Variants in CTTN observed in about 807,000 individuals in gnomAD.
CTTN encodes the protein src substrate cortactin.
In CTTN, 28 loss-of-function variants were observed where a neutral mutation model predicts 84.0. That is an observed-to-expected ratio of 0.33 (90% confidence interval 0.25 to 0.46). The LOEUF (loss-of-function observed/expected upper bound fraction) is 0.46. Ranked by LOEUF, CTTN falls within the 20% of genes least tolerant of loss-of-function variation. CTTN has a pLI of 1.00. For synonymous variants in CTTN, 301 were observed against 288.8 expected, an observed-to-expected ratio of 1.04 and a Z score of -0.43; for missense variants, 641 against 723.8, an observed-to-expected ratio of 0.89 and a Z score of 1.31.
In CTTN at chr11:70,409,889, C is replaced by T; in HGVS notation, c.220C>T (p.Leu74Phe). Residue 74 changes from leucine (L) to phenylalanine (F), a missense_variant, in exon 5 of 18, where the codon CTT becomes TTT. Leu to Phe is a conservative substitution (Grantham distance 22, BLOSUM62 0). Coordinates refer to ENST00000301843, the MANE Select transcript of CTTN (RefSeq NM_005231.4). ...GCATCAGACCCTTAAGGAGAAGGAA[C>T]TTGAAACAGGACCAAAAGCTTCCCA... Reference protein sequence around the residue: ...QEHQTLKEKELETGPKASHGY... With the variant: ...QEHQTLKEKEFETGPKASHGY... 1 of 1,614,036 alleles carries T rather than the reference C, an allele frequency of 6.2e-7. No homozygotes were observed. Among genetic ancestry groups the T allele is most frequent in the Non-Finnish European group, 8.5e-7 (1 of 1,179,938 alleles).
chr11:70,416,963 G>A, intron 7 of CTTN, 50 bp from the exon 8 acceptor site: 4 of 1,274,842 alleles, frequency 3.1e-6, no homozygotes, highest in Non-Finnish European at 4.6e-6. Flanking sequence ...AAAAGGAACA[G>A]TGTAGTTCGT....
intron 8 of CTTN, among the ~76,000 whole-genome samples, chr11:70,418,827 A>G (rs1418220686): frequency 1.4e-5 from 2 of 141,598 alleles, no homozygotes; most frequent in African/African-American, 5.4e-5. Context: ...GCCAGGCTGG[A>G]GTGCAGTGGT....
rs1185354279 is a variant in CTTN at position 70,433,218 on chromosome 11, C to T, written c.1384C>T (p.Leu462=). ...CCGAGAGGCCAGCAGCCAGCAGGGC[C>T]TGGCCTATGCCACAGAGGCTGTCTA... ...DYREASSQQG[L]AYATEAVYES... Residue 462 remains leucine, a synonymous_variant, in exon 16 of 18, where the codon CTG becomes TTG. Transcript: ENST00000301843. 1 of 1,613,454 alleles carries T rather than the reference C, an allele frequency of 6.2e-7. No homozygotes were observed. Among genetic ancestry groups the T allele is most frequent in the Non-Finnish European group, 8.5e-7 (1 of 1,179,996 alleles).
In CTTN at chr11:70,402,166, G is replaced by A. The variant is rs574343451; in HGVS notation, c.-97-3099G>A. 3.3e-5 allele frequency among the ~76,000 whole-genome samples: 5 copies of A among 152,230 alleles called. No individual in the cohort carries two copies. The South Asian group carries it at 1.0e-3, about 32-fold the overall frequency. On this transcript the variant is annotated intron_variant, in intron 1 of 17. Transcript: ENST00000301843. The stretch of plus-strand genomic sequence containing the variant: ...AGACTGTCTGAAAAAGAAAAAAAAA[G>A]TTATTGTGTAGAGGAATTTTTCACT...
At chr11:70,403,996 T>G (rs945122775) in intron 1 of CTTN, among the ~76,000 whole-genome samples, 7 of 152,266 alleles carry the variant, frequency 4.6e-5, no homozygotes, top group South Asian at 4.2e-4. Flanking sequence ...TTCCCCCACC[T>G]CAGCCTCCTG....
At chr11:70,415,210 T>C (rs1045609414) in intron 6 of CTTN, among the ~76,000 whole-genome samples, 1 of 152,224 alleles carries the variant, frequency 6.6e-6, no homozygotes, top group Admixed American at 6.5e-5. Context: ...TGAATTTATG[T>C]GTCTGTGAAA....
At chr11:70,409,232 T>C (rs531886976) in intron 4 of CTTN, among the ~76,000 whole-genome samples, 59 of 152,356 alleles carry the variant, frequency 3.9e-4, no homozygotes, top group African/African-American at 1.4e-3. Flanking sequence ...CTTATCACTC[T>C]GGGGTCTCTC....
intron 14 of CTTN, 80 bp downstream of exon 14, chr11:70,429,279 G>A (rs2058330450): frequency 6.7e-7 from 1 of 1,496,388 alleles, no homozygotes; most frequent in Admixed American, 2.0e-5. Flanking sequence ...GGCCTGGGCG[G>A]GGCTTATTCT....
intron 2 of CTTN, among the ~76,000 whole-genome samples, chr11:70,406,588 G>T (rs1365105442): frequency 6.6e-6 from 1 of 151,754 alleles, no homozygotes; most frequent in Non-Finnish European, 1.5e-5. Flanking sequence ...TCTTGTTAGG[G>T]TTTACAGATG....
chr11:70,413,958 C>T (rs1008724498), intron 5 of CTTN, among the ~76,000 whole-genome samples: 4 of 152,112 alleles, frequency 2.6e-5, no homozygotes, highest in South Asian at 4.1e-4. Flanking sequence ...TCTTCATGCC[C>T]GGTCGTGTCA....
At chr11:70,415,589 A>G (rs2058148876) in intron 6 of CTTN, 74 bp from the exon 7 acceptor site, 1 of 1,304,016 alleles carries the variant, frequency 7.7e-7, no homozygotes, top group Non-Finnish European at 1.1e-6. Flanking sequence ...TCATGTCATG[A>G]ATTCAGAGAG....
chr11:70,409,974 G>A lies in CTTN; in HGVS notation c.291+14G>A, dbSNP rs200395025. 1.4e-5 allele frequency: 23 copies of A among 1,613,680 alleles called. No homozygotes were observed. In the African/African-American group the frequency reaches 2.4e-4, roughly 17 times the overall value. ...CGAATGGATAAGGTAAGTGGCCCGCGGCTGCCTATGCCAGGCTCCTGGTGT... is the reference window on the plus strand; with the variant it reads ...CGAATGGATAAGGTAAGTGGCCCGCAGCTGCCTATGCCAGGCTCCTGGTGT... On this transcript the variant is annotated intron_variant, in intron 5 of 17. Transcript: ENST00000301843.
intron 15 of CTTN, among the ~76,000 whole-genome samples, chr11:70,431,813 G>A (rs1189974380): frequency 1.3e-5 from 2 of 151,852 alleles, no homozygotes; most frequent in Non-Finnish European, 2.9e-5. Flanking sequence ...CCAGTGTTCC[G>A]TCCCCATCCC....
At chr11:70,417,996 G>A (rs1591440612) in intron 8 of CTTN, among the ~76,000 whole-genome samples, 1 of 152,144 alleles carries the variant, frequency 6.6e-6, no homozygotes, top group Admixed American at 6.5e-5. Context: ...CACTCAGAGC[G>A]TTTCCCAGGG....
Position 70,435,221 on chromosome 11 carries a change from C to A in CTTN, c.*59C>A. On this transcript the variant is annotated 3_prime_UTR_variant, in exon 18 of 18. Transcript: ENST00000301843. ...ATCCTCACACTACAGATCAGGCCTTCTTTGGTTCTTGGGTGGTTTTGGGTT... is the reference window on the plus strand; with the variant it reads ...ATCCTCACACTACAGATCAGGCCTTATTTGGTTCTTGGGTGGTTTTGGGTT... 1.5e-6 allele frequency: 2 copies of A among 1,355,308 alleles called. No homozygotes were observed. Among genetic ancestry groups the A allele is most frequent in the Middle Eastern group, 2.5e-4 (1 of 3,948 alleles). 84.0% of individuals were successfully genotyped at this position (1,355,308 alleles called of 1,614,324 possible).
chr11:70,406,392 T>G (rs2058041379), intron 2 of CTTN, among the ~76,000 whole-genome samples: 1 of 152,162 alleles, frequency 6.6e-6, no homozygotes, highest in South Asian at 2.1e-4. Flanking sequence ...TTGGGTGTCC[T>G]CAGTTCAGAC....
intron 16 of CTTN, 83 bp downstream of exon 16, chr11:70,433,361 G>A: frequency 7.2e-7 from 1 of 1,387,598 alleles, no homozygotes; most frequent in Non-Finnish European, 9.7e-7. Flanking sequence ...GTCGTTGCGA[G>A]GAGCGTGGGT....
intron 1 of CTTN, among the ~76,000 whole-genome samples, chr11:70,403,015 G>A (rs1002077135): frequency 6.6e-6 from 1 of 152,078 alleles, no homozygotes; most frequent in African/African-American, 2.4e-5. Context: ...GGTATGAGGT[G>A]GGTTCTCATT....
intron 12 of CTTN, among the ~76,000 whole-genome samples, chr11:70,424,720 G>A (rs894577878): frequency 3.9e-5 from 6 of 152,014 alleles, no homozygotes; most frequent in Admixed American, 6.6e-5. Flanking sequence ...CAGGAAGGGG[G>A]CAAGCAGGAG....
Sources: gnomAD v4.1 joint callset for allele counts (sites outside exome capture counted in the v4.1 genomes callset) on GRCh38, gnomAD v4.1.1 for gene constraint, MANE v1.5 for transcripts, NCBI Gene and HGNC (gene_info 2026-07-23, HGNC 2026-07-21) for gene names.